Variants in ANO2 observed in about 807,000 individuals in gnomAD.
The protein encoded by ANO2 is anoctamin 2.
Under a neutral mutation model 124.2 loss-of-function variants are expected in ANO2, and 101 were observed. The observed-to-expected ratio is 0.81, with a 90% CI of 0.69 to 0.96. The LOEUF is 0.96. Ranked by LOEUF, ANO2 falls within the 40% of genes least tolerant of loss-of-function variation. The pLI, the probability that ANO2 is intolerant of heterozygous loss-of-function variation, is 0.00. For missense variants in ANO2, 1,293 were observed against 1,274.5 expected, an observed-to-expected ratio of 1.01 and a Z score of -0.22; for synonymous variants, 486 against 482.5, an observed-to-expected ratio of 1.01 and a Z score of -0.09.
At chr12:5,875,753 T>A (rs7488695) in intron 3 of ANO2, among the ~76,000 whole-genome samples, 30,522 of 151,756 alleles carry the variant, frequency 0.2, 3,571 homozygotes, top group African/African-American at 0.32. Flanking sequence ...CTATGAATTG[T>A]TCAAAATCAC....
chr12:5,733,114 C>T, intron 13 of ANO2: 1 of 589,752 alleles, frequency 1.7e-6, no homozygotes, highest in East Asian at 2.8e-5. Flanking sequence ...CTTCCCTGCT[C>T]CATTATTCTC....
chr12:5,943,787 G>A (rs1247451502), intron 1 of ANO2, among the ~76,000 whole-genome samples: 1 of 152,178 alleles, frequency 6.6e-6, no homozygotes, highest in African/African-American at 2.4e-5. Context: ...AGGGTGGGAT[G>A]GGCTTCTCTC....
intron 3 of ANO2, among the ~76,000 whole-genome samples, chr12:5,861,121 T>A (rs1013124227): frequency 1.3e-5 from 2 of 152,142 alleles, no homozygotes; most frequent in Non-Finnish European, 2.9e-5. Context: ...ACACCTAACA[T>A]ATCTTTCTCC....
chr12:5,589,058 G>A (rs757494886), intron 20 of ANO2, among the ~76,000 whole-genome samples: 2 of 152,200 alleles, frequency 1.3e-5, no homozygotes, highest in Admixed American at 6.5e-5. Flanking sequence ...CTTCAAAGAC[G>A]AGGGTGCAGA....
chr12:5,729,658 T>C (rs1288187606), intron 14 of ANO2, among the ~76,000 whole-genome samples: 1 of 150,100 alleles, frequency 6.7e-6, no homozygotes, highest in Non-Finnish European at 1.5e-5. Context: ...TACTCCTACG[T>C]ATATACCCAA....
At chr12:5,751,975 G>A (rs183615041) in intron 10 of ANO2, among the ~76,000 whole-genome samples, 1 of 152,294 alleles carries the variant, frequency 6.6e-6, no homozygotes, top group Non-Finnish European at 1.5e-5. Context: ...GGATCATGCA[G>A]TATTTGTGCT....
Position 5,873,196 on chromosome 12 carries a change from G to GCTCTCTCTCTCTCT in ANO2, c.535-19069_535-19056dup, listed in dbSNP as rs57038931. Among the ~76,000 whole-genome samples the GCTCTCTCTCTCTCT allele has an allele frequency of 4.8e-3, 572 of 118,942 alleles. 16 individuals are homozygous for GCTCTCTCTCTCTCT. Among genetic ancestry groups the GCTCTCTCTCTCTCT allele is most frequent in the Non-Finnish European group, 7.3e-3 (417 of 57,106 alleles). The allele number at this position is 118,942 out of a possible 152,430, so 78.0% of individuals were successfully genotyped here. ...AACTTTGTTACTTTTGCCTAAAGCA[G>GCTCTCTCTCTCTCT]CTCTCTCTCTCTCTCTCTCTCTCTC... On this transcript the variant is annotated intron_variant, in intron 3 of 24. Transcript: ENST00000682330.
chr12:5,816,992 A>G (rs1208766325), intron 7 of ANO2, among the ~76,000 whole-genome samples: 4 of 152,204 alleles, frequency 2.6e-5, no homozygotes, highest in African/African-American at 9.7e-5. Context: ...AAGGAAAGAC[A>G]AAATTATAAA....
intron 4 of ANO2, among the ~76,000 whole-genome samples, chr12:5,837,251 C>A (rs4764477): frequency 7.3e-6 from 1 of 137,842 alleles, no homozygotes; most frequent in South Asian, 2.2e-4. Flanking sequence ...GAGTGCAGCA[C>A]CCACGGGGCC....
intron 3 of ANO2, among the ~76,000 whole-genome samples, chr12:5,881,564 T>G (rs1384956808): frequency 1.3e-5 from 2 of 152,194 alleles, no homozygotes; most frequent in Non-Finnish European, 2.9e-5. Context: ...TTTTTGAGAT[T>G]TACAGCCTTT....
intron 19 of ANO2, among the ~76,000 whole-genome samples, chr12:5,607,594 C>CAGCAGCAGGTG (rs966645843): frequency 1.6e-4 from 24 of 152,162 alleles, no homozygotes; most frequent in African/African-American, 3.6e-4. Flanking sequence ...CCGGGCCACA[C>CAGCAGCAGGTG]AGCAGCAGGT....
At chr12:5,680,541 G>A (rs939367644) in intron 14 of ANO2, among the ~76,000 whole-genome samples, 5 of 152,162 alleles carry the variant, frequency 3.3e-5, no homozygotes, top group Non-Finnish European at 5.9e-5. Context: ...AGCTGGCTCT[G>A]CCTCCTCTGT....
chr12:5,861,782 C>T (rs774176776), intron 3 of ANO2, among the ~76,000 whole-genome samples: 7 of 152,194 alleles, frequency 4.6e-5, no homozygotes, highest in Non-Finnish European at 2.9e-5. Flanking sequence ...CCAGCGCCCC[C>T]ACCACACCTG....
At chr12:5,745,400 GCAGGGGATC>G (rs996140137) in intron 11 of ANO2, among the ~76,000 whole-genome samples, 9 of 152,190 alleles carry the variant, frequency 5.9e-5, no homozygotes, top group Non-Finnish European at 1.3e-4. Context: ...TGATGGGGAG[GCAGGGGATC>G]CAGCACTGAG....
chr12:5,638,568 G>T (rs973142657), intron 15 of ANO2, among the ~76,000 whole-genome samples: 2 of 150,578 alleles, frequency 1.3e-5, no homozygotes, highest in Admixed American at 6.6e-5. Context: ...AGTTCAATAC[G>T]TATTTTCTGG....
At position 5,908,056 on chromosome 12, in the gene ANO2, C is replaced by T. The variant is rs1044262709; in HGVS notation, c.534+12984G>A. Among the ~76,000 whole-genome samples the T allele has an allele frequency of 1.3e-5, 2 of 152,234 alleles. No individual in the cohort carries two copies. Among genetic ancestry groups the T allele is most frequent in the African/African-American group, 2.4e-5 (1 of 41,462 alleles). ...ACACACACAAACTCGTAACCACGCA[C>T]GGGCAGCGTGTGCAGGGAGCCAGCA... is the stretch of plus-strand genomic sequence containing the variant. On this transcript the variant is annotated intron_variant, in intron 3 of 24. Transcript: ENST00000682330. This position sits in a 1 kb window ranked among gnomAD's most constrained non-coding sequence, Gnocchi z 4.7.
At chr12:5,628,702 G>A (rs781535101) in intron 16 of ANO2, among the ~76,000 whole-genome samples, 14 of 152,136 alleles carry the variant, frequency 9.2e-5, no homozygotes, top group African/African-American at 2.7e-4. Flanking sequence ...GCGCGCACGC[G>A]TGCGTGCACA....
At chr12:5,919,275 C>A (rs1405915325) in intron 3 of ANO2, among the ~76,000 whole-genome samples, 1 of 152,074 alleles carries the variant, frequency 6.6e-6, no homozygotes, top group East Asian at 1.9e-4. Context: ...ATGCACAGGT[C>A]TGAGGAAGAG....
intron 3 of ANO2, among the ~76,000 whole-genome samples, chr12:5,871,221 T>C (rs1246060630): frequency 6.6e-6 from 1 of 151,510 alleles, no homozygotes; most frequent in African/African-American, 2.5e-5. Context: ...AAAAGTCATC[T>C]ACATAGGTTG....
Sources: gnomAD v4.1 joint callset for allele counts (sites outside exome capture counted in the v4.1 genomes callset) on GRCh38, gnomAD v4.1.1 for gene constraint, Gnocchi (gnomAD v3.1) non-coding constraint, MANE v1.5 for transcripts, NCBI Gene and HGNC (gene_info 2026-07-23, HGNC 2026-07-21) for gene names.